The following ANK3 variants were observed in gnomAD, a reference collection of about 807,000 sequenced individuals.
ANK3 encodes the protein ankyrin 3, also known as ankyrin-3.
Under a neutral mutation model 370.9 loss-of-function variants are expected in ANK3, and 57 were observed. The observed-to-expected ratio is 0.15, with a 90% confidence interval of 0.12 to 0.19. The LOEUF (loss-of-function observed/expected upper bound fraction) is 0.19, where lower values mean the gene tolerates loss of function less well. Among genes scored for constraint, ANK3 ranks in the 10% least tolerant of loss-of-function variants. ANK3 has a pLI of 1.00. For missense variants in ANK3, 4,439 were observed against 5,302.1 expected (o/e 0.84, Z 5.06); for synonymous variants, 1,929 against 1,946.3 (o/e 0.99, Z 0.23).
chr10:60,626,607 A>G (rs2078413787), intron 1 of ANK3, among the ~76,000 whole-genome samples: 1 of 152,088 alleles, frequency 6.6e-6, no homozygotes, highest in Non-Finnish European at 1.5e-5. Context: ...GTTGATTTAA[A>G]CCTTCTGCAT....
chr10:60,451,793 G>A lies in ANK3; in HGVS notation c.96+163393C>T, dbSNP rs117528321. ...CACGGCTCACGCTCTGTGGGTGTGT[G>A]TGGAGCTACCCTTAGGCCTAGCCTG... On this transcript the variant is annotated intron_variant, in intron 2 of 43. Transcript: ENST00000373827. 5.3e-5 allele frequency among the ~76,000 whole-genome samples: 8 copies of A among 152,322 alleles called. No homozygotes were observed. The East Asian group carries it at 1.5e-3, about 29-fold the overall frequency.
At chr10:60,034,643 C>A (rs2074497449) in intron 43 of ANK3, among the ~76,000 whole-genome samples, 1 of 152,166 alleles carries the variant, frequency 6.6e-6, no homozygotes, top group African/African-American at 2.4e-5. Flanking sequence ...GTTCAGATTT[C>A]TTTCCCTAAT....
intron 23 of ANK3, among the ~76,000 whole-genome samples, chr10:60,162,485 G>A (rs940402763): frequency 6.6e-6 from 1 of 152,108 alleles, no homozygotes; most frequent in Non-Finnish European, 1.5e-5. Flanking sequence ...CTTTGAAATC[G>A]GTGGATTTTA....
chr10:60,083,772 T>C (rs996287174), intron 32 of ANK3, among the ~76,000 whole-genome samples, 155 bp from the exon 33 acceptor site: 1 of 152,236 alleles, frequency 6.6e-6, no homozygotes, highest in Non-Finnish European at 1.5e-5. Context: ...ACAAAAATAA[T>C]GTTGTGTGCT....
At chr10:60,077,874 C>T (rs2084197444) in intron 36 of ANK3, among the ~76,000 whole-genome samples, 1 of 152,064 alleles carries the variant, frequency 6.6e-6, no homozygotes, top group Admixed American at 6.6e-5. Context: ...ACGAGGGAGA[C>T]CTACCACTAG....
In ANK3 at chr10:60,263,932, A is replaced by G; in HGVS notation, c.602T>C (p.Val201Ala). The change falls in exon 6 of 44, where the codon GTG (valine) becomes GCG (alanine). Residue 201 changes from valine to alanine, a missense_variant. Transcript: ENST00000280772. ...CGCGATATGAAGAGCTGGGAGACGCACTTTTCCTTTGGTGTCATTCTCTAG... is the reference window on the plus strand; with the variant it reads ...CGCGATATGAAGAGCTGGGAGACGCGCTTTTCCTTTGGTGTCATTCTCTAG... ...LLLENDTKGK[V>A]RLPALHIAAR... 6.2e-7 allele frequency: 1 copy of G among 1,614,082 alleles called. No homozygotes were observed. The highest frequency in any genetic ancestry group is 8.5e-7 in the Non-Finnish European group (1 of 1,180,012).
At chr10:60,480,885 C>A (rs1032768635) in intron 2 of ANK3, among the ~76,000 whole-genome samples, 3 of 152,164 alleles carry the variant, frequency 2.0e-5, no homozygotes, top group Non-Finnish European at 4.4e-5. Context: ...GTTTTGGATC[C>A]TTTCATGCAT....
At chr10:60,609,379 T>C (rs2078171693) in intron 2 of ANK3, among the ~76,000 whole-genome samples, 1 of 152,108 alleles carries the variant, frequency 6.6e-6, no homozygotes, top group Non-Finnish European at 1.5e-5. Context: ...AGCTATTGCA[T>C]TACCCAAGTT....
rs148822893 is a variant in ANK3, at chr10:60,616,649, T to C, written c.58-1425A>G. ...TAGCACATCTAACATTGTAATAATC[T>C]CCTTGCACAAAAATCTTGACTTTAC... On this transcript the variant is annotated intron_variant, in intron 1 of 43. Transcript: ENST00000373827. 1.6e-3 allele frequency among the ~76,000 whole-genome samples: 245 copies of C among 152,278 alleles called. 1 individual carries two copies. The highest frequency in any genetic ancestry group is 5.5e-3 in the African/African-American group (230 of 41,584).
chr10:60,278,250 A>G (rs1421233442), intron 4 of ANK3, among the ~76,000 whole-genome samples: 1 of 152,244 alleles, frequency 6.6e-6, no homozygotes. Context: ...AAGACCCTGC[A>G]TTACAGATAC....
chr10:60,479,501 T>G (rs1018357086), intron 2 of ANK3, among the ~76,000 whole-genome samples: 1 of 152,196 alleles, frequency 6.6e-6, no homozygotes, highest in Admixed American at 6.5e-5. Flanking sequence ...TCCCCATTGT[T>G]AAGTGACACA....
chr10:60,495,981 C>CT (rs68150962), intron 2 of ANK3, among the ~76,000 whole-genome samples: 12 of 147,570 alleles, frequency 8.1e-5, no homozygotes, highest in Admixed American at 1.4e-4. Context: ...TTTCATTTTT[C>CT]TTTTTTTTTT....
intron 14 of ANK3, 130 bp downstream of exon 14, chr10:60,198,210 T>C (rs2096617668): frequency 1.1e-6 from 1 of 881,914 alleles, no homozygotes; most frequent in Non-Finnish European, 1.8e-6. Flanking sequence ...TTGCTGGCCA[T>C]ATTAATGACT....
intron 2 of ANK3, among the ~76,000 whole-genome samples, chr10:60,557,326 T>C (rs1595273337): frequency 6.6e-6 from 1 of 152,084 alleles, no homozygotes; most frequent in Non-Finnish European, 1.5e-5. Context: ...GCAGCACTAA[T>C]AAATGTGACA....
chr10:60,453,647 C>T (rs2064668014), intron 2 of ANK3, among the ~76,000 whole-genome samples: 2 of 152,060 alleles, frequency 1.3e-5, no homozygotes, highest in South Asian at 4.1e-4. Context: ...TTGTTTTCTT[C>T]TGTACTCTGA....
At position 60,693,150 on chromosome 10, in the gene ANK3, C is replaced by T. The variant is rs146827447; in HGVS notation, c.57+40113G>A. 7.2e-3 allele frequency among the ~76,000 whole-genome samples: 1,103 copies of T among 152,296 alleles called. 12 individuals carry two copies. Among genetic ancestry groups the T allele is most frequent in the African/African-American group, 0.025 (1,045 of 41,556 alleles). On this transcript the variant is annotated intron_variant, in intron 1 of 43. Transcript: ENST00000373827. ...TCAAAGAAAGGGGTGACAGACAGCA[C>T]CTGGAAAATCGGGTCACTCCCACCC... is the stretch of plus-strand genomic sequence containing the variant.
In ANK3 at chr10:60,675,628, A is replaced by G. The variant is rs560414363; in HGVS notation, c.57+57635T>C. Among the ~76,000 whole-genome samples, 3 of 152,388 alleles carry G rather than the reference A, an allele frequency of 2.0e-5. No homozygotes were observed. The South Asian group carries it at 6.2e-4, about 32-fold the overall frequency. On this transcript the variant is annotated intron_variant, in intron 1 of 43. Transcript: ENST00000373827. ...AATAAGAAGTTCCAATGAAACAAGT[A>G]ACATATACTAAATTTGAGTGGTTAC...
At chr10:60,483,229 T>C (rs550451019) in intron 2 of ANK3, among the ~76,000 whole-genome samples, 13 of 152,316 alleles carry the variant, frequency 8.5e-5, no homozygotes, top group African/African-American at 3.1e-4. Flanking sequence ...TCAATCATCA[T>C]AAAACACCTG....
chr10:60,672,433 AT>A, intron 1 of ANK3, among the ~76,000 whole-genome samples: 1 of 152,300 alleles, frequency 6.6e-6, no homozygotes. Context: ...GATTGAGTTA[AT>A]AAGCAATCAT....
Sources: gnomAD v4.1 joint callset for allele counts (sites outside exome capture counted in the v4.1 genomes callset) on GRCh38, gnomAD v4.1.1 for gene constraint, MANE v1.5 for transcripts, NCBI Gene and HGNC (gene_info 2026-07-23, HGNC 2026-07-21) for gene names.